The following C1orf232 variants were observed in gnomAD, a reference collection of about 807,000 sequenced individuals.
The protein encoded by C1orf232 is uncharacterized protein C1orf232.
In C1orf232, 10 loss-of-function variants were observed where a neutral mutation model predicts 12.1. The ratio of observed to expected loss-of-function variants is 0.82; its 90% CI spans 0.51 to 1.40. The LOEUF is 1.40. Ranked by LOEUF, C1orf232 falls within the 40% of genes most tolerant of loss-of-function variation. C1orf232 has a pLI of 0.00. For missense variants in C1orf232, 88 were observed against 98.4 expected, an observed-to-expected ratio of 0.89 and a Z score of 0.45; for synonymous variants, 36 against 39.8, an observed-to-expected ratio of 0.90 and a Z score of 0.36.
At chr1:26,166,625 C>A (rs779006328) in intron 1 of C1orf232, among the ~76,000 whole-genome samples, 2 of 152,114 alleles carry the variant, frequency 1.3e-5, no homozygotes, top group Non-Finnish European at 2.9e-5. Context: ...CTGCAGACAC[C>A]CTTGAGCACA....
chr1:26,166,108 G>A lies in C1orf232; in HGVS notation c.95C>T (p.Pro32Leu). ...TGCTGTCTCAGACCCCACTAATGCT[G>A]GGTTCTCCCTCTGGGACACAAGACC... ...EEDLAEEREN[P>L]ALVGSETAEP... The change falls in exon 2 of 4, where the codon CCA becomes CTA. Residue 32 changes from proline to leucine, a missense_variant. Physicochemically the swap from Pro to Leu is moderately conservative, Grantham distance 98. Transcript: ENST00000634842. 1 of 1,231,634 alleles carries A rather than the reference G, an allele frequency of 8.1e-7. No individual in the cohort carries two copies. Among genetic ancestry groups the A allele is most frequent in the Non-Finnish European group, 1.0e-6 (1 of 987,960 alleles). 76.3% of individuals were successfully genotyped at this position (1,231,634 alleles called of 1,614,324 possible). A position where few individuals can be genotyped will look rare whatever the true frequency, so the allele number is the denominator to read the frequency against.
At chr1:26,167,123 C>T (rs1449938586) in intron 1 of C1orf232, among the ~76,000 whole-genome samples, 1 of 152,226 alleles carries the variant, frequency 6.6e-6, no homozygotes, top group Non-Finnish European at 1.5e-5. Context: ...CCCCTCTGAA[C>T]CGATTCCTGC....
intron 1 of C1orf232, 67 bp downstream of exon 1, chr1:26,168,349 C>G (rs1223332329): frequency 8.7e-7 from 1 of 1,148,546 alleles, no homozygotes; most frequent in Non-Finnish European, 1.1e-6. Flanking sequence ...CTGTGCCCCA[C>G]TTCATACTGC....
chr1:26,165,046 C>T (rs1169763963), intron 3 of C1orf232, among the ~76,000 whole-genome samples: 1 of 133,644 alleles, frequency 7.5e-6, no homozygotes. Flanking sequence ...AGGGCAGTCA[C>T]GGAGAGGTGA....
Position 26,164,299 on chromosome 1 carries a change from T to TTCGGGG in C1orf232, c.417_422dup (p.Asp139_Pro140dup). ...CCTCCTCCGCGGCCTCGTCCGCGGG[T>TTCGGGG]TCGGGGTCCGGCTCCGGAGTGGGCT... On this transcript the variant is annotated inframe_insertion, in exon 4 of 4. Coordinates refer to ENST00000634842, the MANE Select transcript of C1orf232 (RefSeq NM_001364669.2). The surrounding 1 kb of genome is among the most constrained non-coding windows in gnomAD (Gnocchi z 4.2). 2.5e-6 allele frequency: 1 copy of TTCGGGG among 397,792 alleles called. No individual in the cohort carries two copies. The highest frequency in any genetic ancestry group is 1.3e-4 in the South Asian group (1 of 7,846). 24.6% of individuals were successfully genotyped at this position (397,792 alleles called of 1,614,324 possible).
At position 26,164,341 on chromosome 1, in the gene C1orf232, G is replaced by C. The variant is rs982992239; in HGVS notation, c.381C>G (p.Ser127=). ...RWQQQQAAAA[S]MLRGTEPTPE... ...GAGTGGGCTCGGTGCCGCGCAGCAT[G>C]GACGCCGCCGCGGCCTGCTGCTGCT... The change falls in exon 4 of 4, where the codon TCC becomes TCG. Residue 127 remains serine, a synonymous_variant. Transcript: ENST00000634842. The surrounding 1 kb of genome is among the most constrained non-coding windows in gnomAD (Gnocchi z 4.2). 37 of 396,408 alleles carry C rather than the reference G, an allele frequency of 9.3e-5. No individual in the cohort carries two copies. In the Admixed American group the frequency reaches 1.3e-3, roughly 14 times the overall value. 24.6% of individuals were successfully genotyped at this position (396,408 alleles called of 1,614,324 possible).
intron 3 of C1orf232, 139 bp downstream of exon 3, chr1:26,165,687 G>GAGAGAA: frequency 8.2e-7 from 1 of 1,222,444 alleles, no homozygotes; most frequent in Non-Finnish European, 1.0e-6. Context: ...GTTTCCTGCT[G>GAGAGAA]AGAGAAACAG....
chr1:26,164,999 C>T lies in C1orf232; in HGVS notation c.267-544G>A, dbSNP rs1230701699. ...CCTAGGTCAGAGGCTTAGGGGAGAG[C>T]GCGGGACTCAAGAGAAGTGGGAAGA... is the stretch of plus-strand genomic sequence containing the variant. On this transcript the variant is annotated intron_variant, in intron 3 of 3. Coordinates refer to ENST00000634842, the MANE Select transcript of C1orf232 (RefSeq NM_001364669.2). This position sits in a 1 kb window ranked among gnomAD's most constrained non-coding sequence, Gnocchi z 4.2. 6.6e-6 allele frequency among the ~76,000 whole-genome samples: 1 copy of T among 150,782 alleles called. No homozygotes were observed. Among genetic ancestry groups the T allele is most frequent in the Non-Finnish European group, 1.5e-5 (1 of 67,806 alleles).
rs1448303838 is a variant in C1orf232 at position 26,168,355 on chromosome 1, A to T, written c.84+61T>A. ...AAGCCTATCCTGTGCCCCACTTCAT[A>T]CTGCTCATTCCTGCTGCCCCTCTGC... On this transcript the variant is annotated intron_variant, in intron 1 of 3. Transcript: ENST00000634842. 6 of 1,164,484 alleles carry T rather than the reference A, an allele frequency of 5.2e-6. No homozygotes were observed. In the African/African-American group the frequency reaches 9.5e-5, roughly 19 times the overall value. 72.1% of individuals were successfully genotyped at this position (1,164,484 alleles called of 1,614,324 possible).
At chr1:26,165,529 A>G (rs1483169585) in intron 3 of C1orf232, among the ~76,000 whole-genome samples, 4 of 152,214 alleles carry the variant, frequency 2.6e-5, no homozygotes, top group South Asian at 2.1e-4. Flanking sequence ...ACCTAAAGGT[A>G]TTCTGCGTTC....
intron 3 of C1orf232, 154 bp downstream of exon 3, chr1:26,165,672 G>T: frequency 1.7e-6 from 2 of 1,183,558 alleles, no homozygotes; most frequent in Non-Finnish European, 2.1e-6. Context: ...ATGCTGATTT[G>T]GCCTGTTTCC....
chr1:26,164,535 G>C lies in C1orf232; in HGVS notation c.267-80C>G, dbSNP rs944296287. 1 of 362,068 alleles carries C rather than the reference G, an allele frequency of 2.8e-6. No homozygotes were observed. The highest frequency in any genetic ancestry group is 4.9e-6 in the Non-Finnish European group (1 of 202,682). The allele number at this position is 362,068 out of a possible 1,614,324, so 22.4% of individuals were successfully genotyped here. On this transcript the variant is annotated intron_variant, in intron 3 of 3. Transcript: ENST00000634842. The surrounding 1 kb of genome is among the most constrained non-coding windows in gnomAD (Gnocchi z 4.2). ...TCGGCTGGGCTGACGGAGGAGTTTA[G>C]TGGGGCCGGGGGAACCTGGGCGGAG...
chr1:26,165,623 T>C, intron 3 of C1orf232: 1 of 934,308 alleles, frequency 1.1e-6, no homozygotes, highest in Middle Eastern at 3.8e-4. Flanking sequence ...TCCCAACAGC[T>C]GGTCGATTCC....
chr1:26,167,814 G>C (rs2088441968), intron 1 of C1orf232, among the ~76,000 whole-genome samples: 1 of 152,016 alleles, frequency 6.6e-6, no homozygotes, highest in African/African-American at 2.4e-5. Flanking sequence ...AATAGAGACT[G>C]GGTTTCACCG....
chr1:26,165,917 C>T lies in C1orf232; in HGVS notation c.175G>A (p.Gly59Arg), dbSNP rs1166098510. 2 of 1,231,674 alleles carry T rather than the reference C, an allele frequency of 1.6e-6. No individual in the cohort carries two copies. Among genetic ancestry groups the T allele is most frequent in the East Asian group, 3.2e-5 (1 of 31,720 alleles). The allele number at this position is 1,231,674 out of a possible 1,614,324, so 76.3% of individuals were successfully genotyped here. Residue 59 changes from glycine to arginine, a missense_variant, in exon 3 of 4, where the codon GGG becomes AGG. Physicochemically the swap from Gly to Arg is moderately radical, Grantham distance 125. Coordinates refer to ENST00000634842, the MANE Select transcript of C1orf232 (RefSeq NM_001364669.2). ...PMSQLARRVQ[G>R]VGVKGWLTMS... ...GTCAGCCAGCCTTTCACCCCGACCC[C>T]CTGAACCTGGGAAAGGGGTTGGGAG...
chr1:26,165,726 C>T, intron 3 of C1orf232, 100 bp downstream of exon 3: 1 of 1,231,434 alleles, frequency 8.1e-7, no homozygotes, highest in Non-Finnish European at 1.0e-6. Flanking sequence ...CCTCCCCAGC[C>T]CTCAGTGGTT....
At position 26,164,696 on chromosome 1, in the gene C1orf232, T is replaced by C. The variant is rs2088406701; in HGVS notation, c.267-241A>G. Among the ~76,000 whole-genome samples the C allele has an allele frequency of 6.6e-6, 1 of 151,354 alleles. No individual in the cohort carries two copies. The highest frequency in any genetic ancestry group is 1.5e-5 in the Non-Finnish European group (1 of 67,838). On this transcript the variant is annotated intron_variant, in intron 3 of 3. Coordinates refer to ENST00000634842, the MANE Select transcript of C1orf232 (RefSeq NM_001364669.2). This position sits in a 1 kb window ranked among gnomAD's most constrained non-coding sequence, Gnocchi z 4.2. The stretch of plus-strand genomic sequence containing the variant: ...CTGGGGTGGGACAGGGTCAGGGGAT[T>C]AGGCGAGGGATGTGGAGGGAGGGGA...
chr1:26,167,001 C>T (rs2088434714), intron 1 of C1orf232, among the ~76,000 whole-genome samples: 2 of 152,242 alleles, frequency 1.3e-5, no homozygotes, highest in Admixed American at 1.3e-4. Flanking sequence ...TACACTTTCA[C>T]TGGGGATTCC....
At chr1:26,165,713 G>T in intron 3 of C1orf232, 113 bp downstream of exon 3, 1 of 1,230,980 alleles carries the variant, frequency 8.1e-7, no homozygotes, top group Non-Finnish European at 1.0e-6. Flanking sequence ...GCCTGGGACT[G>T]CCCCTCCCCA....
Sources: allele counts gnomAD v4.1 joint callset (sites outside exome capture counted in the v4.1 genomes callset), GRCh38; gene constraint gnomAD v4.1.1; non-coding constraint Gnocchi (gnomAD v3.1); transcripts MANE v1.5; gene names NCBI Gene and HGNC (gene_info 2026-07-23, HGNC 2026-07-21).